Variants in MTFR1 observed in about 807,000 individuals in gnomAD.
MTFR1 encodes chondrocyte protein with a poly-proline region.
In MTFR1, 28 loss-of-function variants were observed where a neutral mutation model predicts 38.8. The observed-to-expected ratio is 0.72, with a 90% CI of 0.53 to 0.99. MTFR1 has a LOEUF of 0.99. Among genes scored for constraint, MTFR1 ranks in the 50% least tolerant of loss-of-function variants. MTFR1 has a pLI of 0.00. For synonymous variants in MTFR1, 145 were observed against 137.0 expected (o/e 1.06, Z -0.41); for missense variants, 358 against 395.5 (o/e 0.91, Z 0.81).
At chr8:65,744,587 C>T (rs566380107) in intron 3 of MTFR1, among the ~76,000 whole-genome samples, 27 of 152,228 alleles carry the variant, frequency 1.8e-4, no homozygotes, top group African/African-American at 5.5e-4. Context: ...TTCTGATAAG[C>T]GCTCTTAAAG....
chr8:65,654,356 CTCTA>C (rs1396896119), intron 1 of MTFR1, among the ~76,000 whole-genome samples: 19 of 151,850 alleles, frequency 1.3e-4, no homozygotes, highest in South Asian at 4.1e-4. Flanking sequence ...TCATGTATGG[CTCTA>C]TCTTTTTTGT....
chr8:65,753,250 AC>A (rs910123095), intron 3 of MTFR1, among the ~76,000 whole-genome samples: 1 of 152,182 alleles, frequency 6.6e-6, no homozygotes. Flanking sequence ...ATTTTCCTGG[AC>A]CAACTCTTTG....
At chr8:65,769,242 A>C (rs924435508) in intron 3 of MTFR1, among the ~76,000 whole-genome samples, 98 of 124,688 alleles carry the variant, frequency 7.9e-4, no homozygotes, top group Non-Finnish European at 1.3e-3. Context: ...AGCAAGACTC[A>C]GTCTCAAAAA....
chr8:65,766,185 A>T (rs1808771230), intron 3 of MTFR1, among the ~76,000 whole-genome samples: 1 of 152,206 alleles, frequency 6.6e-6, no homozygotes, highest in Non-Finnish European at 1.5e-5. Flanking sequence ...ACCTCAGGTG[A>T]TCCACCCGCC....
At chr8:65,667,258 A>C in intron 1 of MTFR1, among the ~76,000 whole-genome samples, 1 of 150,918 alleles carries the variant, frequency 6.6e-6, no homozygotes, top group East Asian at 1.9e-4. Context: ...CCTGGGTGAC[A>C]AGAGTGAAAC....
chr8:65,758,680 A>G lies in MTFR1; in HGVS notation c.*49-12267A>G, dbSNP rs572743141. ...TTTCAAACTATACTCTGAAGAGGTT[A>G]TCTCTCTGCCCAGTGCTGGACATTA... is the stretch of plus-strand genomic sequence containing the variant. On this transcript the variant is annotated intron_variant, in intron 3 of 3. Coordinates refer to the MTFR1 transcript ENST00000521247. Among the ~76,000 whole-genome samples, 3 of 152,348 alleles carry G rather than the reference A, an allele frequency of 2.0e-5. No homozygotes were observed. The East Asian group carries it at 5.8e-4, about 29-fold the overall frequency.
chr8:65,757,859 C>T (rs1182205381), intron 3 of MTFR1, among the ~76,000 whole-genome samples: 5 of 152,142 alleles, frequency 3.3e-5, no homozygotes, highest in Admixed American at 3.3e-4. Flanking sequence ...CCTCGTGATC[C>T]GACCGCCTTG....
intron 1 of MTFR1, among the ~76,000 whole-genome samples, chr8:65,645,692 T>TTCCCCCC (rs1554544272): frequency 9.6e-5 from 8 of 83,176 alleles, no homozygotes; most frequent in East Asian, 2.3e-3. Flanking sequence ...CGCCCGGCTT[T>TTCCCCCC]CCCCCCCCCC....
intron 3 of MTFR1, among the ~76,000 whole-genome samples, chr8:65,747,380 T>C (rs538803834): frequency 4.6e-5 from 7 of 152,342 alleles, no homozygotes; most frequent in African/African-American, 1.4e-4. Context: ...TGAGATCTTA[T>C]AGTTTAATGT....
intron 3 of MTFR1, among the ~76,000 whole-genome samples, chr8:65,746,861 G>C (rs1217267402): frequency 1.3e-5 from 2 of 152,080 alleles, no homozygotes; most frequent in Non-Finnish European, 2.9e-5. Flanking sequence ...TAATTGTAAA[G>C]AAGACACCCC....
chr8:65,762,328 G>GA (rs1228153939), intron 3 of MTFR1, among the ~76,000 whole-genome samples: 2 of 151,996 alleles, frequency 1.3e-5, no homozygotes, highest in Non-Finnish European at 2.9e-5. Flanking sequence ...CATTTTCTTA[G>GA]AAAAAAATTT....
At chr8:65,735,925 G>A (rs890445985) in intron 3 of MTFR1, among the ~76,000 whole-genome samples, 3 of 152,128 alleles carry the variant, frequency 2.0e-5, no homozygotes, top group South Asian at 2.1e-4. Flanking sequence ...ATGCCCGGCC[G>A]TATGTGTTTT....
At chr8:65,744,655 G>C (rs1040529759) in intron 3 of MTFR1, among the ~76,000 whole-genome samples, 2 of 151,986 alleles carry the variant, frequency 1.3e-5, no homozygotes, top group African/African-American at 2.4e-5. Flanking sequence ...CTTTGGTCAG[G>C]AAACAGGCAT....
chr8:65,679,990 A>G (rs1407841656), intron 2 of MTFR1, among the ~76,000 whole-genome samples: 1 of 152,170 alleles, frequency 6.6e-6, no homozygotes, highest in Non-Finnish European at 1.5e-5. Context: ...AGCAAGAGCT[A>G]TCATTTTTGT....
At chr8:65,717,027 C>T (rs1806168646) in intron 2 of MTFR1, among the ~76,000 whole-genome samples, 2 of 152,104 alleles carry the variant, frequency 1.3e-5, no homozygotes. Flanking sequence ...TAGTACCCCC[C>T]AAAAGAATGT....
chr8:65,708,076 A>G, intron 7 of MTFR1, 65 bp downstream of exon 7: 3 of 1,605,514 alleles, frequency 1.9e-6, no homozygotes, highest in African/African-American at 1.3e-5. Context: ...AAGCACTTGC[A>G]TTTTGCAAGT....
chr8:65,687,817 C>T (rs746792280), intron 3 of MTFR1, among the ~76,000 whole-genome samples: 3 of 151,924 alleles, frequency 2.0e-5, no homozygotes, highest in Non-Finnish European at 2.9e-5. Context: ...TACAGCAATT[C>T]GGCTAGGCGC....
rs745404699 is a variant in MTFR1 at position 65,715,761 on chromosome 8, G to A, written c.382-3619G>A. Among the ~76,000 whole-genome samples the A allele has an allele frequency of 1.9e-3, 282 of 148,382 alleles. 1 individual carries two copies. The highest frequency in any genetic ancestry group is 2.9e-3 in the Non-Finnish European group (195 of 66,626). The stretch of plus-strand genomic sequence containing the variant: ...AGCACTATGGGAGGCCGAGGCGGGC[G>A]GATCACGAGGTCAGGAGATTGAGAC... On this transcript the variant is annotated intron_variant, in intron 2 of 3. Transcript: ENST00000521247.
chr8:65,684,396 T>G (rs1429691307), intron 3 of MTFR1, among the ~76,000 whole-genome samples: 1 of 152,066 alleles, frequency 6.6e-6, no homozygotes, highest in Non-Finnish European at 1.5e-5. Context: ...AGTCTTTTTT[T>G]TTTTTTGAGA....
Sources: gnomAD v4.1 joint callset for allele counts (sites outside exome capture counted in the v4.1 genomes callset) on GRCh38, gnomAD v4.1.1 for gene constraint, MANE v1.5 for transcripts, NCBI Gene and HGNC (gene_info 2026-07-23, HGNC 2026-07-21) for gene names.